LMO7: variants seen among roughly 807,000 people sequenced by gnomAD.
LMO7 encodes LIM domain 7.
A neutral mutation model predicts 206.5 loss-of-function variants in LMO7; 120 were observed. That is an observed-to-expected ratio of 0.58 (90% confidence interval 0.50 to 0.68). The LOEUF (loss-of-function observed/expected upper bound fraction) is 0.68, where lower values mean the gene tolerates loss of function less well. Ranked by LOEUF, LMO7 falls within the 30% of genes least tolerant of loss-of-function variation. The pLI is 0.00. For synonymous variants in LMO7, 706 were observed against 681.5 expected, an observed-to-expected ratio of 1.04 and a Z score of -0.56; for missense variants, 1,959 against 1,957.9, an observed-to-expected ratio of 1.00 and a Z score of -0.01.
chr13:75,690,158 C>T (rs2041345928), intron 1 of LMO7, among the ~76,000 whole-genome samples: 1 of 151,840 alleles, frequency 6.6e-6, no homozygotes, highest in South Asian at 2.1e-4. Context: ...CAGTCTCCAC[C>T]TCCTGGCCTC....
At chr13:75,833,721 GT>G (rs201944521) in intron 16 of LMO7, among the ~76,000 whole-genome samples, 1 of 151,810 alleles carries the variant, frequency 6.6e-6, no homozygotes, top group East Asian at 1.9e-4. Context: ...TTATTTTTTA[GT>G]TTTTTTTACA....
At chr13:75,778,728 A>G (rs1188706601) in intron 4 of LMO7, among the ~76,000 whole-genome samples, 1 of 152,104 alleles carries the variant, frequency 6.6e-6, no homozygotes, top group Admixed American at 6.5e-5. Context: ...TTTCAACTGA[A>G]CTTTTTTTCA....
chr13:75,752,120 A>G (rs1447865384), intron 3 of LMO7, among the ~76,000 whole-genome samples: 1 of 152,010 alleles, frequency 6.6e-6, no homozygotes, highest in Non-Finnish European at 1.5e-5. Flanking sequence ...TTGTTAAAGA[A>G]CATTTTATTT....
chr13:75,714,904 A>G (rs186689571), intron 2 of LMO7, among the ~76,000 whole-genome samples: 200 of 152,140 alleles, frequency 1.3e-3, no homozygotes, highest in Admixed American at 2.2e-3. Flanking sequence ...AAAAAAAGCC[A>G]TCAACCATAC....
intron 3 of LMO7, among the ~76,000 whole-genome samples, chr13:75,741,496 A>G (rs551062830): frequency 6.6e-6 from 1 of 152,340 alleles, no homozygotes; most frequent in Admixed American, 6.5e-5. Context: ...AACACCGGCA[A>G]ACTGAATCCA....
chr13:75,798,766 A>G (rs995007945), intron 6 of LMO7, among the ~76,000 whole-genome samples: 1 of 152,230 alleles, frequency 6.6e-6, no homozygotes, highest in African/African-American at 2.4e-5. Context: ...TCAGTCAGTC[A>G]TCTTGGAAGT....
Position 75,819,470 on chromosome 13 carries a change from T to A in LMO7, c.2142T>A (p.Ile714=), listed in dbSNP as rs943267611. The change falls in exon 13 of 31, where the codon ATT becomes ATA. Residue 714 remains isoleucine (I), a synonymous_variant. Coordinates refer to ENST00000377534, the MANE Select transcript of LMO7 (RefSeq NM_001306080.2). The part of the protein sequence containing the change: ...LQKKKEEREE[I]EKQALEKSKR... ...AGAAAAAAGAAGAGAGAGAAGAAAT[T>A]GAAAAGCAGGCACTTGAGAAGTCTA... 6.2e-7 allele frequency: 1 copy of A among 1,613,180 alleles called. No individual in the cohort carries two copies.
chr13:75,668,660 A>T (rs1327140412), intron 1 of LMO7, among the ~76,000 whole-genome samples: 3 of 150,544 alleles, frequency 2.0e-5, no homozygotes, highest in Admixed American at 6.6e-5. Context: ...ACCCTCAGAA[A>T]TTTTTTTTTT....
At chr13:75,635,542 T>G (rs2035678257), upstream of LMO7, among the ~76,000 whole-genome samples, 1 of 152,062 alleles carries the variant, frequency 6.6e-6, no homozygotes, top group Non-Finnish European at 1.5e-5. Flanking sequence ...AGGGTGGGAA[T>G]TTTGACGCTC....
At chr13:75,623,740 A>G (rs1395355749) in intron 2 of LMO7, among the ~76,000 whole-genome samples, 2 of 152,130 alleles carry the variant, frequency 1.3e-5, no homozygotes, top group Non-Finnish European at 2.9e-5. Flanking sequence ...TTTCAAAACA[A>G]TGAAAACTTT....
chr13:75,742,904 A>C (rs1292111459), intron 3 of LMO7, among the ~76,000 whole-genome samples: 1 of 152,264 alleles, frequency 6.6e-6, no homozygotes, highest in Non-Finnish European at 1.5e-5. Context: ...ACTTCTGCAC[A>C]GCAAAAGGAA....
At chr13:75,641,740 C>T (rs570997427) in intron 1 of LMO7, among the ~76,000 whole-genome samples, 42 of 152,172 alleles carry the variant, frequency 2.8e-4, no homozygotes, top group African/African-American at 9.2e-4. Flanking sequence ...CTGCAACCTT[C>T]GCCTCCTGGA....
intron 4 of LMO7, among the ~76,000 whole-genome samples, chr13:75,780,450 C>T (rs2051154974): frequency 6.6e-6 from 1 of 152,164 alleles, no homozygotes; most frequent in African/African-American, 2.4e-5. Context: ...TGACTCTGTT[C>T]CGCCCGGCCC....
chr13:75,846,551 A>G (rs2060011316), intron 26 of LMO7, among the ~76,000 whole-genome samples: 1 of 152,196 alleles, frequency 6.6e-6, no homozygotes, highest in Non-Finnish European at 1.5e-5. Context: ...TATTCCATGA[A>G]ATATTTTTAA....
chr13:75,741,768 G>A (rs2046431731), intron 3 of LMO7, among the ~76,000 whole-genome samples: 1 of 152,084 alleles, frequency 6.6e-6, no homozygotes, highest in Non-Finnish European at 1.5e-5. Context: ...ACCCAGAGAT[G>A]ACATCATACT....
At position 75,855,313 on chromosome 13, in the gene LMO7, G is replaced by A. The variant is rs1195395048; in HGVS notation, c.4715G>A (p.Gly1572Glu). The A allele has an allele frequency of 1.4e-5, 22 of 1,613,886 alleles. No homozygotes were observed. The highest frequency in any genetic ancestry group is 5.3e-5 in the African/African-American group (4 of 74,912). ...CSYCNNILGK[G>E]AAMIIESLGL... ...TACTGCAATAACATTCTGGGCAAAG[G>A]AGCCGCCATGATCATCGAGTCCCTG... Residue 1572 changes from glycine (G) to glutamate (E), a missense_variant, in exon 29 of 31, where the codon GGA (glycine) becomes GAA (glutamate). Coordinates refer to ENST00000377534, the MANE Select transcript of LMO7 (RefSeq NM_001306080.2).
intron 10 of LMO7, among the ~76,000 whole-genome samples, chr13:75,808,910 GC>G (rs1265067658): frequency 6.6e-6 from 1 of 152,144 alleles, no homozygotes; most frequent in African/African-American, 2.4e-5. Flanking sequence ...ACAATGGGAA[GC>G]CTTTTCATAT....
At chr13:75,621,420 G>C (rs1006156742) in exon 1 of LMO7, 2 of 189,734 alleles carry the variant, frequency 1.1e-5, no homozygotes, top group Non-Finnish European at 2.1e-5. Context: ...CTATACCCAA[G>C]CACACTGCTC....
intron 1 of LMO7, among the ~76,000 whole-genome samples, chr13:75,701,638 A>G (rs977118813): frequency 2.6e-5 from 4 of 151,314 alleles, no homozygotes; most frequent in Non-Finnish European, 5.9e-5. Context: ...TTATTTAAAA[A>G]CTCCTTAATC....
Sources: allele counts gnomAD v4.1 joint callset (sites outside exome capture counted in the v4.1 genomes callset), GRCh38; gene constraint gnomAD v4.1.1; transcripts MANE v1.5; gene names NCBI Gene and HGNC (gene_info 2026-07-23, HGNC 2026-07-21).